The following MYO5A variants were observed in gnomAD, a reference collection of about 807,000 sequenced individuals.
The protein encoded by MYO5A is myosin VA, also known as unconventional myosin-Va.
A neutral mutation model predicts 249.7 loss-of-function variants in MYO5A; 98 were observed. That is an observed-to-expected ratio of 0.39 (90% CI 0.33 to 0.46). The LOEUF is 0.46. MYO5A is among the 20% of genes least tolerant of loss of function. The probability of loss-of-function intolerance (pLI) is 0.98; values close to 1 mark genes in which losing one functional copy is unlikely to be tolerated. For missense variants in MYO5A, 1,696 were observed against 2,308.8 expected (o/e 0.73, Z 5.44); for synonymous variants, 778 against 810.6 (o/e 0.96, Z 0.68).
chr15:52,391,288 T>A (rs1200139808), intron 12 of MYO5A, among the ~76,000 whole-genome samples: 1 of 152,216 alleles, frequency 6.6e-6, no homozygotes, highest in Non-Finnish European at 1.5e-5. Context: ...TTGCATTTTT[T>A]AAAATCTCAA....
intron 1 of MYO5A, among the ~76,000 whole-genome samples, chr15:52,498,844 C>T (rs2077094573): frequency 6.6e-6 from 1 of 152,042 alleles, no homozygotes; most frequent in Admixed American, 6.6e-5. Flanking sequence ...AAGTACCAAC[C>T]CCATACCAAG....
intron 12 of MYO5A, 82 bp from the exon 13 acceptor site, chr15:52,389,445 T>TG: frequency 7.2e-7 from 1 of 1,380,340 alleles, no homozygotes. Flanking sequence ...AAAGATCTTT[T>TG]ATTTTTTTTT....
chr15:52,329,918 T>C (rs1001857890), intron 35 of MYO5A, among the ~76,000 whole-genome samples: 3 of 46,360 alleles, frequency 6.5e-5, no homozygotes, highest in Admixed American at 3.1e-4. Flanking sequence ...TTTTTTTTTT[T>C]TTTTTTTTTT....
At position 52,428,357 on chromosome 15, in the gene MYO5A, GAA is replaced by G. The variant is rs759953297; in HGVS notation, c.310+39_310+40del. The G allele has an allele frequency of 3.2e-6, 5 of 1,578,512 alleles. No individual in the cohort carries two copies. The Admixed American group carries it at 8.3e-5, about 26-fold the overall frequency. ...ATTTCTATGGCTATGTCCATTAGAG[GAA>G]AGAGTCCACAGTCTATTCGGAAAGC... On this transcript the variant is annotated intron_variant, in intron 3 of 41. Transcript: ENST00000399233.
chr15:52,372,494 T>TA, intron 20 of MYO5A, 131 bp from the exon 21 acceptor site: 1 of 1,222,854 alleles, frequency 8.2e-7, no homozygotes. Context: ...CAATGTACTA[T>TA]GTAGATTATA....
intron 4 of MYO5A, among the ~76,000 whole-genome samples, chr15:52,419,015 CAT>C (rs2141261720): frequency 6.6e-6 from 1 of 152,288 alleles, no homozygotes; most frequent in South Asian, 2.1e-4. Context: ...ACTTAATAAA[CAT>C]ACTTTCAATT....
chr15:52,507,972 C>T (rs1490008335), intron 1 of MYO5A, among the ~76,000 whole-genome samples: 1 of 152,116 alleles, frequency 6.6e-6, no homozygotes, highest in Non-Finnish European at 1.5e-5. Flanking sequence ...CTGGGCTTTA[C>T]ATATATATGT....
intron 1 of MYO5A, among the ~76,000 whole-genome samples, chr15:52,468,393 A>G (rs992552235): frequency 1.3e-5 from 2 of 152,132 alleles, no homozygotes; most frequent in African/African-American, 4.8e-5. Context: ...TACAATGGCT[A>G]ATATCTATAA....
At chr15:52,433,999 CTTTTT>C (rs398043307) in intron 1 of MYO5A, among the ~76,000 whole-genome samples, 1 of 127,304 alleles carries the variant, frequency 7.9e-6, no homozygotes, top group Admixed American at 8.1e-5. Flanking sequence ...CTTTCTTTTT[CTTTTT>C]TTTTTTTTTT....
chr15:52,327,808 T>C, intron 36 of MYO5A, 44 bp downstream of exon 36: 2 of 1,558,310 alleles, frequency 1.3e-6, no homozygotes, highest in South Asian at 2.2e-5. Flanking sequence ...GATTCTGTCA[T>C]CATTAACAAT....
At chr15:52,524,772 G>A (rs1000332313) in intron 1 of MYO5A, among the ~76,000 whole-genome samples, 1 of 151,924 alleles carries the variant, frequency 6.6e-6, no homozygotes, top group Non-Finnish European at 1.5e-5. Flanking sequence ...CGAGGCTGAG[G>A]TGGGAGGACA....
At chr15:52,334,389 G>A (rs2039022191) in intron 34 of MYO5A, among the ~76,000 whole-genome samples, 1 of 152,062 alleles carries the variant, frequency 6.6e-6, no homozygotes, top group African/African-American at 2.4e-5. Flanking sequence ...TATAATTGGT[G>A]CAAAGTGCAA....
chr15:52,447,096 T>A (rs1724591), intron 1 of MYO5A, among the ~76,000 whole-genome samples: 2 of 151,864 alleles, frequency 1.3e-5, no homozygotes, highest in African/African-American at 4.8e-5. Context: ...AAGGGGTCAG[T>A]GGAGGAATGA....
intron 3 of MYO5A, among the ~76,000 whole-genome samples, chr15:52,428,088 G>A (rs1163247700): frequency 6.6e-6 from 1 of 152,206 alleles, no homozygotes; most frequent in Non-Finnish European, 1.5e-5. Flanking sequence ...TACTCTTCGT[G>A]TAGTAGTTTT....
chr15:52,441,454 T>C (rs553146992), intron 1 of MYO5A, among the ~76,000 whole-genome samples: 1 of 152,290 alleles, frequency 6.6e-6, no homozygotes, highest in Non-Finnish European at 1.5e-5. Flanking sequence ...TGATGGAATA[T>C]ATTCTTAAAC....
At position 52,317,305 on chromosome 15, in the gene MYO5A, C is replaced by T. The variant is rs2038070666; in HGVS notation, c.5235-83G>A. 14 of 1,354,420 alleles carry T rather than the reference C, an allele frequency of 1.0e-5. No homozygotes were observed. The Admixed American group carries it at 2.4e-4, about 23-fold the overall frequency. 83.9% of individuals were successfully genotyped at this position (1,354,420 alleles called of 1,614,324 possible). On this transcript the variant is annotated intron_variant, in intron 39 of 41. Transcript: ENST00000399233. The stretch of plus-strand genomic sequence containing the variant: ...TTAATTTTTTTGTGTGCGGCCTTGT[C>T]AGGATTTATGTTAAAATGACAGGCA...
At chr15:52,320,043 C>A (rs1176744940) in intron 38 of MYO5A, among the ~76,000 whole-genome samples, 1 of 152,124 alleles carries the variant, frequency 6.6e-6, no homozygotes, top group East Asian at 1.9e-4. Flanking sequence ...GCACTGACAA[C>A]CATCTTGGAG....
chr15:52,323,505 A>G (rs2038431564), intron 36 of MYO5A, 61 bp from the exon 37 acceptor site: 1 of 1,226,548 alleles, frequency 8.2e-7, no homozygotes, highest in African/African-American at 1.5e-5. Context: ...CCTAAAAAAA[A>G]TTGAACAGAT....
chr15:52,328,440 T>C lies in MYO5A; in HGVS notation c.4556-434A>G, dbSNP rs143977476. Among the ~76,000 whole-genome samples, 851 of 152,296 alleles carry C rather than the reference T, an allele frequency of 5.6e-3. 6 individuals carry two copies. Among genetic ancestry groups the C allele is most frequent in the African/African-American group, 0.019 (796 of 41,552 alleles). The stretch of plus-strand genomic sequence containing the variant: ...CATTTTTGACTCCTTTCTTTTCTCA[T>C]ACCACATATCCAATCCATCAACAAA... On this transcript the variant is annotated intron_variant, in intron 35 of 41. Transcript: ENST00000399233.
Sources: allele counts gnomAD v4.1 joint callset (sites outside exome capture counted in the v4.1 genomes callset), GRCh38; gene constraint gnomAD v4.1.1; transcripts MANE v1.5; gene names NCBI Gene and HGNC (gene_info 2026-07-23, HGNC 2026-07-21).